Variants in SH3RF1 observed in about 807,000 individuals in gnomAD.
SH3RF1 encodes the protein SH3 domain containing ring finger 1.
Under a neutral mutation model 74.0 loss-of-function variants are expected in SH3RF1, and 32 were observed. The ratio of observed to expected loss-of-function variants is 0.43; its 90% CI spans 0.33 to 0.58. SH3RF1 has a LOEUF of 0.58. Among genes scored for constraint, SH3RF1 ranks in the 20% least tolerant of loss-of-function variants. The probability of loss-of-function intolerance (pLI) is 0.05; values close to 1 mark genes in which losing one functional copy is unlikely to be tolerated. For missense variants in SH3RF1, 954 were observed against 1,130.9 expected (o/e 0.84, Z 2.24); for synonymous variants, 396 against 439.6 (o/e 0.90, Z 1.24).
intron 2 of SH3RF1, among the ~76,000 whole-genome samples, chr4:169,216,843 T>A (rs897417285): frequency 2.0e-5 from 3 of 151,992 alleles, no homozygotes; most frequent in African/African-American, 7.3e-5. Context: ...CTTCCCATGG[T>A]CTTCCATTTT....
intron 2 of SH3RF1, among the ~76,000 whole-genome samples, chr4:169,246,990 T>C (rs1731004779): frequency 6.6e-6 from 1 of 152,248 alleles, no homozygotes; most frequent in South Asian, 2.1e-4. Context: ...ATGTACACTA[T>C]TAAAGCTACC....
intron 5 of SH3RF1, among the ~76,000 whole-genome samples, chr4:169,131,079 T>C (rs999951956): frequency 6.6e-6 from 1 of 152,270 alleles, no homozygotes; most frequent in Non-Finnish European, 1.5e-5. Flanking sequence ...TTCCCACACA[T>C]TGAAAGAAAG....
intron 4 of SH3RF1, among the ~76,000 whole-genome samples, chr4:169,154,221 G>A (rs1247686491): frequency 6.6e-6 from 1 of 151,886 alleles, no homozygotes; most frequent in Non-Finnish European, 1.5e-5. Flanking sequence ...TTCAAAGGAG[G>A]AAAAAAATAT....
intron 11 of SH3RF1, among the ~76,000 whole-genome samples, chr4:169,102,120 T>G (rs1205725230): frequency 6.6e-6 from 1 of 152,212 alleles, no homozygotes; most frequent in African/African-American, 2.4e-5. Flanking sequence ...CACTCTGACC[T>G]GGGTGAGTAA....
At chr4:169,240,810 A>G (rs1730895517) in intron 2 of SH3RF1, among the ~76,000 whole-genome samples, 1 of 152,150 alleles carries the variant, frequency 6.6e-6, no homozygotes, top group Admixed American at 6.5e-5. Flanking sequence ...TCATTACCAT[A>G]CTTATACCGC....
At chr4:169,129,108 A>G (rs564885633) in intron 6 of SH3RF1, among the ~76,000 whole-genome samples, 1 of 152,332 alleles carries the variant, frequency 6.6e-6, no homozygotes, top group South Asian at 2.1e-4. Flanking sequence ...GGACACACCA[A>G]TGGCATTCTC....
intron 2 of SH3RF1, among the ~76,000 whole-genome samples, chr4:169,209,457 A>G (rs1362967714): frequency 2.6e-5 from 4 of 152,106 alleles, no homozygotes; most frequent in Admixed American, 2.6e-4. Context: ...TCCTCATCCT[A>G]CAGCACCTAT....
chr4:169,215,120 T>C (rs771649990), intron 2 of SH3RF1, among the ~76,000 whole-genome samples: 3 of 152,188 alleles, frequency 2.0e-5, no homozygotes, highest in Non-Finnish European at 4.4e-5. Flanking sequence ...TCTTATCAAG[T>C]TGAGGTAGTC....
intron 2 of SH3RF1, among the ~76,000 whole-genome samples, chr4:169,171,702 G>A (rs1020351885): frequency 6.6e-6 from 1 of 152,162 alleles, no homozygotes; most frequent in Admixed American, 6.5e-5. Context: ...TGCCTTTCAA[G>A]TGAAAACTAT....
Position 169,142,131 on chromosome 4 carries a change from T to C in SH3RF1, c.766-5511A>G, listed in dbSNP as rs542641025. On this transcript the variant is annotated intron_variant, in intron 4 of 11. Coordinates refer to ENST00000284637, the MANE Select transcript of SH3RF1 (RefSeq NM_020870.4). ...CTGCACCTGGCCTTAATTTGCAATTTTTTTAGTAGAGATGGGGTTTCACCA... is the reference window on the plus strand; with the variant it reads ...CTGCACCTGGCCTTAATTTGCAATTCTTTTAGTAGAGATGGGGTTTCACCA... 2.0e-3 allele frequency among the ~76,000 whole-genome samples: 311 copies of C among 152,234 alleles called. 1 individual carries two copies. The highest frequency in any genetic ancestry group is 7.2e-3 in the African/African-American group (299 of 41,548).
chr4:169,180,241 A>G (rs1178188573), intron 2 of SH3RF1, among the ~76,000 whole-genome samples: 1 of 138,456 alleles, frequency 7.2e-6, no homozygotes, highest in Admixed American at 7.7e-5. Context: ...CCCACGAAGA[A>G]TAAAGAGGTA....
At chr4:169,154,276 C>T (rs1051690530) in intron 4 of SH3RF1, among the ~76,000 whole-genome samples, 10 of 152,122 alleles carry the variant, frequency 6.6e-5, no homozygotes, top group African/African-American at 2.2e-4. Context: ...AAATTCAAGA[C>T]TCATACATGG....
chr4:169,219,359 T>C (rs1478486124), intron 2 of SH3RF1, among the ~76,000 whole-genome samples: 1 of 152,150 alleles, frequency 6.6e-6, no homozygotes, highest in Non-Finnish European at 1.5e-5. Context: ...ATTACAGAAA[T>C]TTAAAAAGGG....
chr4:169,110,705 G>T (rs572890890), intron 10 of SH3RF1, among the ~76,000 whole-genome samples: 45 of 152,320 alleles, frequency 3.0e-4, no homozygotes, highest in African/African-American at 1.0e-3. Context: ...TGGGAATTTG[G>T]GGGCGGGGGA....
intron 2 of SH3RF1, chr4:169,167,264 T>C (rs1734261902): frequency 6.5e-6 from 1 of 152,714 alleles, no homozygotes; most frequent in South Asian, 2.1e-4. Flanking sequence ...AAAACCAAAA[T>C]GATATATTAT....
intron 2 of SH3RF1, among the ~76,000 whole-genome samples, chr4:169,167,623 A>G (rs1734268964): frequency 6.6e-6 from 1 of 152,194 alleles, no homozygotes; most frequent in Middle Eastern, 3.2e-3. Context: ...GTAAAAAAAA[A>G]TACTATATGA....
chr4:169,120,687 C>T (rs1238051180), intron 8 of SH3RF1, 132 bp downstream of exon 8: 3 of 920,242 alleles, frequency 3.3e-6, no homozygotes, highest in Non-Finnish European at 4.8e-6. Context: ...CAGATGTAGA[C>T]ATGGATTTTT....
intron 11 of SH3RF1, among the ~76,000 whole-genome samples, chr4:169,102,915 CTTTTTTTTTTTT>C (rs66574732): frequency 1.0e-4 from 7 of 66,878 alleles, no homozygotes; most frequent in Admixed American, 2.6e-4. Context: ...CAGTCACATT[CTTTTTTTTTTTT>C]TTTTTTTTTT....
At chr4:169,124,584 A>T (rs774270262) in intron 6 of SH3RF1, among the ~76,000 whole-genome samples, 1 of 152,220 alleles carries the variant, frequency 6.6e-6, no homozygotes, top group Non-Finnish European at 1.5e-5. Flanking sequence ...AATTGGGCAG[A>T]TCTTTTCCCA....
Sources: allele counts gnomAD v4.1 joint callset (sites outside exome capture counted in the v4.1 genomes callset), GRCh38; gene constraint gnomAD v4.1.1; transcripts MANE v1.5; gene names NCBI Gene and HGNC (gene_info 2026-07-23, HGNC 2026-07-21).